The following CASP4 variants were observed in gnomAD, a reference collection of about 807,000 sequenced individuals.
The protein encoded by CASP4 is caspase 4.
In CASP4, 29 loss-of-function variants were observed where a neutral mutation model predicts 41.3. The ratio of observed to expected loss-of-function variants is 0.70; its 90% confidence interval spans 0.52 to 0.96. The LOEUF is 0.96. CASP4 is among the 40% of genes least tolerant of loss of function. The pLI, the probability that CASP4 is intolerant of heterozygous loss-of-function variation, is 0.00. For missense variants in CASP4, 447 were observed against 460.6 expected, an observed-to-expected ratio of 0.97 and a Z score of 0.27; for synonymous variants, 185 against 158.4, an observed-to-expected ratio of 1.17 and a Z score of -1.26.
intron 5 of CASP4, chr11:104,949,237 A>T (rs1860543901): frequency 2.5e-6 from 1 of 405,448 alleles, no homozygotes; most frequent in African/African-American, 2.0e-5. Flanking sequence ...TAAAACATTT[A>T]CAAATCAAGC....
intron 1 of CASP4, 99 bp from the exon 2 acceptor site, chr11:104,955,100 T>C (rs903144597): frequency 8.6e-7 from 1 of 1,156,794 alleles, no homozygotes. Context: ...CTTCTGAAAG[T>C]ATGTCCTACT....
At chr11:104,948,815 G>GAAAC (rs5794358) in intron 5 of CASP4, 139 bp from the exon 6 acceptor site, 502,651 of 514,470 alleles carry the variant, frequency 0.98, 245,754 homozygotes, top group East Asian at 1. Flanking sequence ...CACACACAGA[G>GAAAC]AGAGACACAC....
intron 2 of CASP4, among the ~76,000 whole-genome samples, chr11:104,953,676 T>G (rs146469703): frequency 6.6e-6 from 1 of 152,174 alleles, no homozygotes; most frequent in Admixed American, 6.6e-5. Flanking sequence ...CTCAACAATT[T>G]ATATTTCCTT....
chr11:104,954,714 T>C (rs765247554), intron 2 of CASP4, 33 bp downstream of exon 2: 4 of 1,601,294 alleles, frequency 2.5e-6, no homozygotes, highest in Non-Finnish European at 3.4e-6. Context: ...TTAGGGAAAA[T>C]TGAGACATTC....
At chr11:104,968,283 A>T (rs1861019072) in intron 1 of CASP4, among the ~76,000 whole-genome samples, 1 of 152,258 alleles carries the variant, frequency 6.6e-6, no homozygotes, top group Non-Finnish European at 1.5e-5. Flanking sequence ...TTTGATTACC[A>T]GAAGCTGAAA....
chr11:104,943,320 C>G, intron 8 of CASP4: 1 of 248,760 alleles, frequency 4.0e-6, no homozygotes, highest in Non-Finnish European at 7.9e-6. Context: ...TTTGGTCACA[C>G]TGTCTCATTG....
Position 104,950,983 on chromosome 11 carries a change from T to G in CASP4, c.488A>C (p.Lys163Thr). The G allele has an allele frequency of 6.2e-7, 1 of 1,613,446 alleles. No individual in the cohort carries two copies. ...ATAGTCCAGACCCTCAAGTAGCTCCTTCATCCCTGTGATGTCAAAGTCAGC... is the reference window on the plus strand; with the variant it reads ...ATAGTCCAGACCCTCAAGTAGCTCCGTCATCCCTGTGATGTCAAAGTCAGC... ...NGADFDITGM[K>T]ELLEGLDYSV... Residue 163 changes from lysine (K) to threonine (T), a missense_variant, in exon 4 of 9, where the codon AAG becomes ACG. Coordinates refer to ENST00000444739, the MANE Select transcript of CASP4 (RefSeq NM_001225.4).
intron 2 of CASP4, among the ~76,000 whole-genome samples, chr11:104,953,492 C>T (rs1177717834): frequency 1.3e-5 from 2 of 152,094 alleles, no homozygotes; most frequent in East Asian, 3.9e-4. Flanking sequence ...CCATGCCATC[C>T]AGGTTTGAGA....
intron 1 of CASP4, among the ~76,000 whole-genome samples, chr11:104,961,830 C>T (rs938316935): frequency 2.6e-5 from 4 of 152,132 alleles, no homozygotes; most frequent in Non-Finnish European, 4.4e-5. Flanking sequence ...TCAGAGGACT[C>T]TTCTTATTTG....
rs149877779 is a variant in CASP4 at position 104,959,963 on chromosome 11, T to A, written c.8-4962A>T. Among the ~76,000 whole-genome samples, 3 of 152,308 alleles carry A rather than the reference T, an allele frequency of 2.0e-5. No individual in the cohort carries two copies. In the East Asian group the frequency reaches 5.8e-4, roughly 29 times the overall value. On this transcript the variant is annotated intron_variant, in intron 1 of 8. Coordinates refer to ENST00000444739, the MANE Select transcript of CASP4 (RefSeq NM_001225.4). ...TCTACTCTCCGTCCCTCTATTCTAC[T>A]CTTTGCAACGAAGAGTGTTCCAATA...
chr11:104,950,481 T>TGTTC (rs886703750), intron 4 of CASP4, among the ~76,000 whole-genome samples: 2 of 152,164 alleles, frequency 1.3e-5, no homozygotes, highest in African/African-American at 4.8e-5. Context: ...TTTCACTGTT[T>TGTTC]CTCTCTACTG....
At chr11:104,960,626 C>T (rs181141340) in intron 1 of CASP4, among the ~76,000 whole-genome samples, 12 of 152,184 alleles carry the variant, frequency 7.9e-5, no homozygotes, top group East Asian at 3.9e-4. Context: ...CACACAACCA[C>T]GCCTGGCTAA....
chr11:104,957,404 C>G (rs911828269), intron 1 of CASP4, among the ~76,000 whole-genome samples: 3 of 152,090 alleles, frequency 2.0e-5, no homozygotes, highest in African/African-American at 7.2e-5. Context: ...GACTATGTCT[C>G]TACAAGAAAT....
chr11:104,951,165 C>A, intron 3 of CASP4, 67 bp from the exon 4 acceptor site: 1 of 1,439,002 alleles, frequency 6.9e-7, no homozygotes, highest in East Asian at 2.3e-5. Flanking sequence ...TTATGCCTAT[C>A]AGTGTTGCTT....
chr11:104,960,103 T>G (rs922350382), intron 1 of CASP4, among the ~76,000 whole-genome samples: 3 of 152,150 alleles, frequency 2.0e-5, no homozygotes, highest in African/African-American at 7.2e-5. Flanking sequence ...TGCCTTCATT[T>G]AATTTCTGGA....
At position 104,968,541 on chromosome 11, in the gene CASP4, TC is replaced by T; in HGVS notation, c.-17del. On this transcript the variant is annotated 5_prime_UTR_variant, in exon 1 of 9. Coordinates refer to ENST00000444739, the MANE Select transcript of CASP4 (RefSeq NM_001225.4). The stretch of plus-strand genomic sequence containing the variant: ...CACCTGCCATAGGGAACAGCCTCTG[TC>T]CTTTTTTACAGCGTTGGAAAGAGCC... 1 of 1,613,176 alleles carries T rather than the reference TC, an allele frequency of 6.2e-7. No individual in the cohort carries two copies. The highest frequency in any genetic ancestry group is 8.5e-7 in the Non-Finnish European group (1 of 1,179,182).
At chr11:104,959,857 C>G (rs1228701207) in intron 1 of CASP4, among the ~76,000 whole-genome samples, 1 of 152,200 alleles carries the variant, frequency 6.6e-6, no homozygotes, top group African/African-American at 2.4e-5. Flanking sequence ...GACCACTTCT[C>G]TCAATTCTAA....
Position 104,968,518 on chromosome 11 carries a change from C to G in CASP4, c.7+1G>C. ...AAACTCCTAGTCAGAAAAGGACTCA[C>G]CTGCCATAGGGAACAGCCTCTGTCC... On this transcript the variant is annotated splice_donor_variant, in intron 1 of 8. Coordinates refer to ENST00000444739, the MANE Select transcript of CASP4 (RefSeq NM_001225.4). LOFTEE classifies it high-confidence loss of function. 1 of 1,613,104 alleles carries G rather than the reference C, an allele frequency of 6.2e-7. No homozygotes were observed. The highest frequency in any genetic ancestry group is 8.5e-7 in the Non-Finnish European group (1 of 1,179,152).
intron 7 of CASP4, among the ~76,000 whole-genome samples, chr11:104,945,521 G>C (rs541242298): frequency 2.6e-5 from 4 of 152,194 alleles, no homozygotes; most frequent in African/African-American, 7.2e-5. Flanking sequence ...CTCCCAAAGT[G>C]CTGGGATTAC....
Sources: allele counts gnomAD v4.1 joint callset (sites outside exome capture counted in the v4.1 genomes callset), GRCh38; gene constraint gnomAD v4.1.1; transcripts MANE v1.5; gene names NCBI Gene and HGNC (gene_info 2026-07-23, HGNC 2026-07-21).